Variants in RRP12 observed in about 807,000 individuals in gnomAD.
RRP12 encodes RRP12-like protein.
Under a neutral mutation model 157.3 loss-of-function variants are expected in RRP12, and 78 were observed. The observed-to-expected ratio is 0.50, with a 90% CI of 0.41 to 0.60. RRP12 has a LOEUF of 0.60. Ranked by LOEUF, RRP12 falls within the 20% of genes least tolerant of loss-of-function variation. RRP12 has a pLI of 0.00. For synonymous variants in RRP12, 726 were observed against 670.9 expected (o/e 1.08, Z -1.27); for missense variants, 1,521 against 1,679.9 (o/e 0.91, Z 1.65).
At chr10:97,365,422 C>T (rs931535759) in intron 29 of RRP12, among the ~76,000 whole-genome samples, 6 of 151,862 alleles carry the variant, frequency 4.0e-5, no homozygotes, top group Admixed American at 2.6e-4. Flanking sequence ...TACAGGCGCC[C>T]GCGACCACGC....
At chr10:97,372,850 C>A (rs553652813) in intron 18 of RRP12, 47 bp from the exon 19 acceptor site, 16 of 1,530,694 alleles carry the variant, frequency 1.0e-5, no homozygotes, top group Non-Finnish European at 1.3e-5. Flanking sequence ...TGGGGAGGAG[C>A]GAAAGAAAGC....
intron 2 of RRP12, among the ~76,000 whole-genome samples, chr10:97,398,006 C>CATATATATATATATATATATATATACAT (rs376314087): frequency 2.1e-5 from 1 of 47,188 alleles, no homozygotes; most frequent in Non-Finnish European, 4.2e-5. Context: ...TATATATATA[C>CATATATATATATATATATATATATACAT]ATATATATAT....
At chr10:97,374,167 TTTTG>T (rs997774210) in intron 15 of RRP12, among the ~76,000 whole-genome samples, 5 of 152,178 alleles carry the variant, frequency 3.3e-5, no homozygotes, top group East Asian at 1.9e-4. Context: ...GCCCAATTTT[TTTTG>T]TTTGTTTGTT....
Position 97,388,333 on chromosome 10 carries a change from C to T in RRP12, c.936G>A (p.Lys312=), listed in dbSNP as rs749702248. Residue 312 remains lysine, a synonymous_variant, in exon 8 of 34, where the codon AAG becomes AAA. Transcript: ENST00000370992. ...TTTLHMLTLL[K]DLLPCFPEGL... The stretch of plus-strand genomic sequence containing the variant: ...CTTCCGGGAAGCAGGGCAGCAGGTC[C>T]TTCAGCAGCGTCAGCATGTGCAGCG... 4 of 1,613,988 alleles carry T rather than the reference C, an allele frequency of 2.5e-6. No homozygotes were observed. In the Admixed American group the frequency reaches 6.7e-5, roughly 27 times the overall value.
At chr10:97,382,951 G>A (rs533279251) in intron 10 of RRP12, among the ~76,000 whole-genome samples, 4 of 151,972 alleles carry the variant, frequency 2.6e-5, no homozygotes, top group African/African-American at 7.2e-5. Context: ...TAGTGAAGAT[G>A]GGGTTTCGCC....
At position 97,358,536 on chromosome 10, in the gene RRP12, C is replaced by G; in HGVS notation, c.3791+1G>C. On this transcript the variant is annotated splice_donor_variant, in intron 33 of 33. Coordinates refer to ENST00000370992, the MANE Select transcript of RRP12 (RefSeq NM_015179.4). LOFTEE classifies it high-confidence loss of function. ...CCAGCCTGCCTGGCACAGCGTCATA[C>G]CTGCGGTTGAGCTTGCTTCTGTTGA... 6.2e-7 allele frequency: 1 copy of G among 1,612,996 alleles called. No homozygotes were observed. Among genetic ancestry groups the G allele is most frequent in the South Asian group, 1.1e-5 (1 of 91,054 alleles).
At chr10:97,393,851 G>T in intron 3 of RRP12, 91 bp from the exon 4 acceptor site, 1 of 1,058,460 alleles carries the variant, frequency 9.4e-7, no homozygotes, top group Non-Finnish European at 1.4e-6. Flanking sequence ...CAGCAGAACA[G>T]TTGTGACTGA....
In RRP12 at chr10:97,372,717, G is replaced by A. The variant is rs993424672; in HGVS notation, c.2249+19C>T. ...CCCTGGGCTGCTCCAGCTCAAGTGGGAGGCCCTGAGCATGTTACCTGGTAA... is the reference window on the plus strand; with the variant it reads ...CCCTGGGCTGCTCCAGCTCAAGTGGAAGGCCCTGAGCATGTTACCTGGTAA... On this transcript the variant is annotated intron_variant, in intron 19 of 33. Coordinates refer to ENST00000370992, the MANE Select transcript of RRP12 (RefSeq NM_015179.4). The A allele has an allele frequency of 6.4e-7, 1 of 1,551,512 alleles. No individual in the cohort carries two copies. Among genetic ancestry groups the A allele is most frequent in the Middle Eastern group, 1.7e-4 (1 of 5,930 alleles).
Position 97,360,567 on chromosome 10 carries a change from C to G in RRP12, c.3619G>C (p.Glu1207Gln), listed in dbSNP as rs1262840238. The change falls in exon 31 of 34, where the codon GAG (glutamate) becomes CAG (glutamine). Residue 1207 changes from glutamate (E) to glutamine (Q), a missense_variant. Glu to Gln is a conservative substitution (Grantham distance 29, BLOSUM62 2). Coordinates refer to ENST00000370992, the MANE Select transcript of RRP12 (RefSeq NM_015179.4). ...TCACCTTGGTACTGAGGGGGTATCTCCAGCTCCTCCTCCTCAGCCTCTTTC... is the reference window on the plus strand; with the variant it reads ...TCACCTTGGTACTGAGGGGGTATCTGCAGCTCCTCCTCCTCAGCCTCTTTC... ...HQKEAEEEEL[E>Q]IPPQYQAGGS... is the part of the protein sequence containing the mutation. The G allele has an allele frequency of 6.2e-7, 1 of 1,613,892 alleles. No homozygotes were observed. The highest frequency in any genetic ancestry group is 2.2e-5 in the East Asian group (1 of 44,882).
In RRP12 at chr10:97,400,482, T is replaced by C. The variant is rs538704913; in HGVS notation, c.192A>G (p.Ser64=). 20 of 1,614,136 alleles carry C rather than the reference T, an allele frequency of 1.2e-5. No individual in the cohort carries two copies. The East Asian group carries it at 4.0e-4, about 32-fold the overall frequency. Residue 64 remains serine (S), a synonymous_variant, in exon 2 of 34, where the codon TCA becomes TCG. Coordinates refer to ENST00000370992, the MANE Select transcript of RRP12 (RefSeq NM_015179.4). ...CGCTTTTGCCCAAGCGCAAGGACCC[T>C]GACTGCAGCTCATTATGTAACTTCA... ...DAVKLHNELQ[S]GSLRLGKSEA... is the part of the protein sequence containing the mutation.
At chr10:97,375,114 A>T (rs1034827536) in intron 15 of RRP12, among the ~76,000 whole-genome samples, 7 of 152,044 alleles carry the variant, frequency 4.6e-5, no homozygotes, top group Non-Finnish European at 8.8e-5. Flanking sequence ...ATCATATCCC[A>T]AAGTGGGACT....
At position 97,366,909 on chromosome 10, in the gene RRP12, T is replaced by A. The variant is rs1844002436; in HGVS notation, c.3048A>T (p.Gly1016=). 6.2e-7 allele frequency: 1 copy of A among 1,612,322 alleles called. No individual in the cohort carries two copies. The highest frequency in any genetic ancestry group is 1.7e-5 in the Admixed American group (1 of 59,938). ...GCAACAGCCTTTTCACCAGCTCAAA[T>A]CTGGAGGTGGCAAGGAAGGGCTGGT... ...NLFTKFIRKF[G]FELVKRLLPE... is the part of the protein sequence containing the mutation. Residue 1016 remains glycine (G), a splice_region_variant and synonymous_variant, in exon 27 of 34, where the codon GGA becomes GGT. Coordinates refer to ENST00000370992, the MANE Select transcript of RRP12 (RefSeq NM_015179.4).
intron 15 of RRP12, among the ~76,000 whole-genome samples, chr10:97,376,231 T>TTTC (rs1844302624): frequency 6.8e-6 from 1 of 146,322 alleles, no homozygotes; most frequent in Admixed American, 6.8e-5. Flanking sequence ...TTTTTTTTTT[T>TTTC]TGAGATGAAG....
intron 6 of RRP12, among the ~76,000 whole-genome samples, chr10:97,390,082 T>G (rs1844758724): frequency 6.6e-6 from 1 of 152,128 alleles, no homozygotes; most frequent in South Asian, 2.1e-4. Context: ...AGGTCACACC[T>G]CGAGCAGTGA....
At chr10:97,395,254 T>G (rs1844925932) in intron 3 of RRP12, among the ~76,000 whole-genome samples, 1 of 151,494 alleles carries the variant, frequency 6.6e-6, no homozygotes, top group African/African-American at 2.4e-5. Context: ...ATTTATTTAT[T>G]TAATGTAATA....
Position 97,373,470 on chromosome 10 carries a change from G to A in RRP12, c.2026+105C>T, listed in dbSNP as rs562615014. The A allele has an allele frequency of 3.1e-5, 39 of 1,261,014 alleles. No homozygotes were observed. In the South Asian group the frequency reaches 5.8e-4, roughly 19 times the overall value. The allele number at this position is 1,261,014 out of a possible 1,614,324, so 78.1% of individuals were successfully genotyped here. A position where few individuals can be genotyped will look rare whatever the true frequency, so the allele number is the denominator to read the frequency against. On this transcript the variant is annotated intron_variant, in intron 17 of 33. Transcript: ENST00000370992. ...AAGCAGCAAAGGATGAGCTCCAGAG[G>A]TGAGTTTCTGTGGCTCTGCCTGGCA...
intron 20 of RRP12, chr10:97,371,348 C>A: frequency 2.0e-6 from 1 of 510,204 alleles, no homozygotes; most frequent in East Asian, 3.2e-5. Context: ...GCTCATGGTG[C>A]CTGGCACGCG....
intron 29 of RRP12, among the ~76,000 whole-genome samples, chr10:97,365,659 G>A (rs1843955119): frequency 6.6e-6 from 1 of 152,014 alleles, no homozygotes; most frequent in African/African-American, 2.4e-5. Flanking sequence ...CCACACCGGA[G>A]GGACTCCCGG....
At chr10:97,382,724 T>C (rs934982444) in intron 10 of RRP12, among the ~76,000 whole-genome samples, 2 of 152,078 alleles carry the variant, frequency 1.3e-5, no homozygotes, top group African/African-American at 2.4e-5. Flanking sequence ...CTTGGAGTTC[T>C]TTCCATATAA....
Sources: gnomAD v4.1 joint callset for allele counts (sites outside exome capture counted in the v4.1 genomes callset) on GRCh38, gnomAD v4.1.1 for gene constraint, MANE v1.5 for transcripts, NCBI Gene and HGNC (gene_info 2026-07-23, HGNC 2026-07-21) for gene names.